The following ETV1 variants were observed in gnomAD, a reference collection of about 807,000 sequenced individuals.
ETV1 encodes the protein ETS translocation variant 1.
A neutral mutation model predicts 62.3 loss-of-function variants in ETV1; 27 were observed. The ratio of observed to expected loss-of-function variants is 0.43; its 90% CI spans 0.32 to 0.60. The LOEUF (loss-of-function observed/expected upper bound fraction) is 0.60, where lower values mean the gene tolerates loss of function less well. Ranked by LOEUF, ETV1 falls within the 20% of genes least tolerant of loss-of-function variation. ETV1 has a pLI of 0.06. For missense variants in ETV1, 605 were observed against 605.8 expected, an observed-to-expected ratio of 1.00 and a Z score of 0.01; for synonymous variants, 222 against 199.6, an observed-to-expected ratio of 1.11 and a Z score of -0.94.
chr7:13,903,471 A>G (rs575007664), intron 12 of ETV1, among the ~76,000 whole-genome samples: 33 of 152,156 alleles, frequency 2.2e-4, no homozygotes, highest in Admixed American at 3.3e-4. Context: ...TATGTTAATA[A>G]TTGTTTCCCG....
chr7:13,981,161 A>G (rs1781943402), intron 5 of ETV1, among the ~76,000 whole-genome samples: 1 of 152,120 alleles, frequency 6.6e-6, no homozygotes, highest in Non-Finnish European at 1.5e-5. Context: ...AAAAGGGGTT[A>G]ATATTTAATT....
intron 6 of ETV1, among the ~76,000 whole-genome samples, chr7:13,970,971 T>TTTTA (rs901357983): frequency 9.9e-5 from 15 of 152,186 alleles, no homozygotes; most frequent in Non-Finnish European, 2.1e-4. Context: ...ATTTATTTTA[T>TTTTA]TTTATTTATT....
At chr7:13,968,585 A>G (rs1780543015) in intron 6 of ETV1, among the ~76,000 whole-genome samples, 2 of 151,570 alleles carry the variant, frequency 1.3e-5, no homozygotes, top group African/African-American at 2.4e-5. Flanking sequence ...AAGTATACCA[A>G]TAAAAGAAAG....
At chr7:13,915,555 C>T (rs1440551837) in intron 9 of ETV1, among the ~76,000 whole-genome samples, 1 of 152,098 alleles carries the variant, frequency 6.6e-6, no homozygotes, top group African/African-American at 2.4e-5. Flanking sequence ...TGCTGGTAAG[C>T]TCATAGTTTA....
chr7:13,979,093 T>C (rs989691776), intron 5 of ETV1, among the ~76,000 whole-genome samples: 13 of 152,116 alleles, frequency 8.5e-5, no homozygotes, highest in African/African-American at 3.1e-4. Flanking sequence ...AACTTCAAAG[T>C]TAGCAAACTG....
At chr7:13,911,476 G>C (rs534640061) in intron 9 of ETV1, among the ~76,000 whole-genome samples, 169 bp from the exon 10 acceptor site, 3 of 152,240 alleles carry the variant, frequency 2.0e-5, no homozygotes, top group African/African-American at 7.2e-5. Context: ...TGAAATGAAA[G>C]AATGAAGAGT....
chr7:13,988,239 C>CGA (rs1782729924), intron 3 of ETV1, 66 bp from the exon 4 acceptor site: 1 of 888,662 alleles, frequency 1.1e-6, no homozygotes. Context: ...CGCACACGCG[C>CGA]GCGCACACAC....
At chr7:13,949,796 T>G (rs369962632) in intron 6 of ETV1, among the ~76,000 whole-genome samples, 2 of 152,348 alleles carry the variant, frequency 1.3e-5, no homozygotes, top group African/African-American at 4.8e-5. Context: ...CGAGTTTTCA[T>G]GATTTTCCAT....
intron 9 of ETV1, among the ~76,000 whole-genome samples, chr7:13,923,900 T>TGGC (rs1200874270): frequency 1.3e-5 from 2 of 151,976 alleles, no homozygotes; most frequent in Non-Finnish European, 1.5e-5. Context: ...GGCATGGTGG[T>TGGC]GGCGCACGCC....
At chr7:13,969,442 T>C (rs1484522576) in intron 6 of ETV1, among the ~76,000 whole-genome samples, 1 of 152,198 alleles carries the variant, frequency 6.6e-6, no homozygotes, top group Non-Finnish European at 1.5e-5. Flanking sequence ...AAATTTTATA[T>C]GGGTATGAAT....
At chr7:13,916,530 C>T (rs1009138208) in intron 9 of ETV1, among the ~76,000 whole-genome samples, 1 of 151,964 alleles carries the variant, frequency 6.6e-6, no homozygotes, top group Non-Finnish European at 1.5e-5. Flanking sequence ...CCCAGCTACT[C>T]GGGAGGCTGA....
chr7:13,905,664 G>A (rs1782878994), intron 12 of ETV1, among the ~76,000 whole-genome samples: 1 of 152,128 alleles, frequency 6.6e-6, no homozygotes, highest in African/African-American at 2.4e-5. Context: ...GGAAGGAGGG[G>A]ACAATTGAAG....
chr7:13,968,332 G>A (rs1365026506), intron 6 of ETV1, among the ~76,000 whole-genome samples: 2 of 151,950 alleles, frequency 1.3e-5, no homozygotes, highest in African/African-American at 2.4e-5. Flanking sequence ...CTTTGGAAGA[G>A]CAAGCACCAG....
rs371398313 is a variant in ETV1 at position 13,916,454 on chromosome 7, A to T, written c.803-5147T>A. Among the ~76,000 whole-genome samples, 5 of 152,212 alleles carry T rather than the reference A, an allele frequency of 3.3e-5. No individual in the cohort carries two copies. The South Asian group carries it at 6.2e-4, about 19-fold the overall frequency. The stretch of plus-strand genomic sequence containing the variant: ...GGGGTTCGAGACCACCCTAGCCAAC[A>T]TGGTGAAAACCTGTCTCTACTAAAA... On this transcript the variant is annotated intron_variant, in intron 9 of 13. Transcript: ENST00000430479.
chr7:13,908,345 T>C (rs1783192748), intron 11 of ETV1, among the ~76,000 whole-genome samples: 1 of 152,160 alleles, frequency 6.6e-6, no homozygotes, highest in African/African-American at 2.4e-5. Flanking sequence ...TATTTTTCTT[T>C]CTTATATGCC....
At chr7:13,979,644 C>G (rs1252283783) in intron 5 of ETV1, among the ~76,000 whole-genome samples, 2 of 152,072 alleles carry the variant, frequency 1.3e-5, no homozygotes, top group East Asian at 1.9e-4. Flanking sequence ...TCAGAATTAA[C>G]AGCTAAACAG....
chr7:13,958,589 G>C (rs1262674867), intron 6 of ETV1, among the ~76,000 whole-genome samples: 2 of 152,102 alleles, frequency 1.3e-5, no homozygotes, highest in Non-Finnish European at 2.9e-5. Flanking sequence ...GGCACTGTTT[G>C]TTACTATGGG....
rs757190284 is a variant in ETV1, at chr7:13,931,707, A to G, written c.597T>C (p.Pro199=). The part of the protein sequence containing the change: ...QLSEPCNSFP[P]LPTMPREGRP... ...GTCCTTCCCTTGGCATCGTCGGCAAAGGAGGAAAGGAGTTACAGGGTTCAG... is the reference window on the plus strand; with the variant it reads ...GTCCTTCCCTTGGCATCGTCGGCAAGGGAGGAAAGGAGTTACAGGGTTCAG... Residue 199 remains proline, a synonymous_variant, in exon 9 of 14, where the codon CCT becomes CCC. Transcript: ENST00000430479. 2 of 1,614,028 alleles carry G rather than the reference A, an allele frequency of 1.2e-6. No homozygotes were observed. The highest frequency in any genetic ancestry group is 1.7e-6 in the Non-Finnish European group (2 of 1,179,876).
chr7:13,931,796 A>G (rs1562637733), intron 8 of ETV1, 47 bp from the exon 9 acceptor site: 1 of 1,598,822 alleles, frequency 6.3e-7, no homozygotes, highest in Non-Finnish European at 8.6e-7. Flanking sequence ...AACATGGAAC[A>G]TTCTTTAAAA....
Sources: gnomAD v4.1 joint callset for allele counts (sites outside exome capture counted in the v4.1 genomes callset) on GRCh38, gnomAD v4.1.1 for gene constraint, MANE v1.5 for transcripts, NCBI Gene and HGNC (gene_info 2026-07-23, HGNC 2026-07-21) for gene names.